AEBP2: variants seen among roughly 807,000 people sequenced by gnomAD.
The protein encoded by AEBP2 is zinc finger protein AEBP2.
In AEBP2, 10 loss-of-function variants were observed where a neutral mutation model predicts 50.8. The ratio of observed to expected loss-of-function variants is 0.20; its 90% CI spans 0.12 to 0.33. AEBP2 has a LOEUF of 0.33. Ranked by LOEUF, AEBP2 falls within the 10% of genes least tolerant of loss-of-function variation. The pLI, the probability that AEBP2 is intolerant of heterozygous loss-of-function variation, is 1.00. For synonymous variants in AEBP2, 296 were observed against 261.3 expected (o/e 1.13, Z -1.28); for missense variants, 570 against 688.0 (o/e 0.83, Z 1.92).
chr12:19,459,318 G>C (rs373616003), intron 1 of AEBP2, among the ~76,000 whole-genome samples: 36 of 151,942 alleles, frequency 2.4e-4, no homozygotes, highest in African/African-American at 8.7e-4. Flanking sequence ...CGCAAGCTCT[G>C]CCTCCTGGGT....
chr12:19,411,715 G>A (rs570272211), intron 1 of AEBP2, among the ~76,000 whole-genome samples: 21 of 152,304 alleles, frequency 1.4e-4, no homozygotes, highest in African/African-American at 4.6e-4. Context: ...AACATCGCCC[G>A]AAGGAAACAC....
chr12:19,469,264 T>G (rs1372306894), intron 2 of AEBP2, among the ~76,000 whole-genome samples: 1 of 152,142 alleles, frequency 6.6e-6, no homozygotes, highest in Admixed American at 6.5e-5. Context: ...GTTTAAAATT[T>G]TTTTTTCCTG....
rs146729810 is a variant in AEBP2 at position 19,469,169 on chromosome 12, A to G, written c.880-4079A>G. 2.3e-3 allele frequency among the ~76,000 whole-genome samples: 351 copies of G among 151,798 alleles called. 8 individuals carry two copies. In the East Asian group the frequency reaches 0.054, roughly 23 times the overall value. ...TTGAACTCCTGACCTCAAGTGATCC[A>G]CTCACCTCGGCCTCTCAGAGTGCTG... On this transcript the variant is annotated intron_variant, in intron 2 of 7. Transcript: ENST00000266508.
rs1426125267 is a variant in AEBP2, at chr12:19,494,712, A to G, written c.1174+726A>G. ...AAACAATTTGAATGTAATGGGTGTCATAGTACCTAGTCTATTGTAACATAT... is the reference window on the plus strand; with the variant it reads ...AAACAATTTGAATGTAATGGGTGTCGTAGTACCTAGTCTATTGTAACATAT... On this transcript the variant is annotated intron_variant, in intron 4 of 7. Coordinates refer to ENST00000266508, the MANE Select transcript of AEBP2 (RefSeq NM_153207.5). Among the ~76,000 whole-genome samples the G allele has an allele frequency of 2.6e-5, 4 of 152,102 alleles. No homozygotes were observed. The East Asian group carries it at 7.7e-4, about 29-fold the overall frequency.
At chr12:19,509,526 A>T (rs566520280) in intron 5 of AEBP2, among the ~76,000 whole-genome samples, 2 of 152,240 alleles carry the variant, frequency 1.3e-5, no homozygotes, top group South Asian at 2.1e-4. Flanking sequence ...TAGGCAGATC[A>T]GCTGAGCTCA....
At chr12:19,452,031 C>T (rs1294129140) in intron 1 of AEBP2, among the ~76,000 whole-genome samples, 1 of 152,210 alleles carries the variant, frequency 6.6e-6, no homozygotes, top group African/African-American at 2.4e-5. Context: ...GCTGGGATTA[C>T]AGGCATGCGC....
intron 5 of AEBP2, among the ~76,000 whole-genome samples, chr12:19,505,313 T>C (rs942784926): frequency 6.6e-6 from 1 of 152,224 alleles, no homozygotes; most frequent in Non-Finnish European, 1.5e-5. Context: ...GTTTGTTCAT[T>C]CACTTATTAA....
At chr12:19,413,594 GAAATA>G in intron 1 of AEBP2, 1 of 594,410 alleles carries the variant, frequency 1.7e-6, no homozygotes, top group South Asian at 2.0e-5. Flanking sequence ...TAAAAAAAAA[GAAATA>G]AAAGAATGGC....
At chr12:19,443,443 G>A (rs1947999903) in intron 1 of AEBP2, among the ~76,000 whole-genome samples, 1 of 151,512 alleles carries the variant, frequency 6.6e-6, no homozygotes, top group Non-Finnish European at 1.5e-5. Context: ...ATTAGGCCGG[G>A]CATGGTGGCT....
intron 2 of AEBP2, among the ~76,000 whole-genome samples, chr12:19,468,084 G>A (rs983884312): frequency 8.6e-5 from 13 of 150,694 alleles, no homozygotes; most frequent in African/African-American, 3.2e-4. Flanking sequence ...AATTGGGCTT[G>A]GTGGTACCGT....
intron 1 of AEBP2, among the ~76,000 whole-genome samples, chr12:19,417,683 C>T (rs1352614324): frequency 6.6e-6 from 1 of 150,816 alleles, no homozygotes; most frequent in African/African-American, 2.4e-5. Context: ...GCTGGGATAA[C>T]AGGTGTGAGC....
chr12:19,410,131 G>T (rs955149012), intron 1 of AEBP2, among the ~76,000 whole-genome samples: 9 of 152,042 alleles, frequency 5.9e-5, no homozygotes, highest in Non-Finnish European at 1.2e-4. Context: ...TCTAAGATAG[G>T]GCCAGCGCCC....
intron 2 of AEBP2, among the ~76,000 whole-genome samples, chr12:19,463,493 G>T (rs934994505): frequency 6.6e-6 from 1 of 151,982 alleles, no homozygotes; most frequent in African/African-American, 2.4e-5. Context: ...CTATCAGCCT[G>T]GCATCACTAT....
intron 1 of AEBP2, among the ~76,000 whole-genome samples, chr12:19,417,793 G>C (rs576389911): frequency 6.7e-6 from 1 of 150,036 alleles, no homozygotes; most frequent in Non-Finnish European, 1.5e-5. Flanking sequence ...CAATTTCCAC[G>C]TCCTGGGTTC....
chr12:19,518,751 T>A lies in AEBP2; in HGVS notation c.*634T>A, dbSNP rs995457600. 6.8e-7 allele frequency: 1 copy of A among 1,481,410 alleles called. No homozygotes were observed. The highest frequency in any genetic ancestry group is 1.4e-5 in the African/African-American group (1 of 72,234). 91.8% of individuals were successfully genotyped at this position (1,481,410 alleles called of 1,614,324 possible). Reference sequence around the variant, plus strand: ...GTTTGCAATCAACTAAAAATTCGTCTATCGAATTAGGGCTGAAAATTACTG... The same window carrying A: ...GTTTGCAATCAACTAAAAATTCGTCAATCGAATTAGGGCTGAAAATTACTG... On this transcript the variant is annotated 3_prime_UTR_variant, in exon 8 of 8. Transcript: ENST00000266508.
chr12:19,453,650 C>G (rs999420749), intron 1 of AEBP2, among the ~76,000 whole-genome samples: 3 of 149,934 alleles, frequency 2.0e-5, no homozygotes, highest in African/African-American at 7.4e-5. Context: ...TCTCAAACTC[C>G]CAACCTCAGG....
chr12:19,468,126 TTGTGTGTGTGTGTGTGTGTGTGTGTG>T, intron 2 of AEBP2, among the ~76,000 whole-genome samples: 1 of 144,064 alleles, frequency 6.9e-6, no homozygotes, highest in South Asian at 2.3e-4. Context: ...CTGCCTGACT[TTGTGTGTGTGTGTGTGTGTGTGTGTG>T]TGTGTATGTG....
intron 1 of AEBP2, chr12:19,413,533 AGTTT>A (rs1204138272): frequency 1.3e-5 from 10 of 753,576 alleles, no homozygotes; most frequent in Non-Finnish European, 2.4e-5. Context: ...TTAAATATTT[AGTTT>A]GTTTATTGTC....
chr12:19,513,892 A>ATTTTT (rs34664301), intron 6 of AEBP2, among the ~76,000 whole-genome samples: 1 of 100,348 alleles, frequency 1.0e-5, no homozygotes, highest in African/African-American at 3.4e-5. Flanking sequence ...GGCCGCATGC[A>ATTTTT]TTTTTTTTTT....
Sources: allele counts gnomAD v4.1 joint callset (sites outside exome capture counted in the v4.1 genomes callset), GRCh38; gene constraint gnomAD v4.1.1; transcripts MANE v1.5; gene names NCBI Gene and HGNC (gene_info 2026-07-23, HGNC 2026-07-21).